The following CYP2B6 variants were observed in gnomAD, a reference collection of about 807,000 sequenced individuals.
CYP2B6 encodes the protein cytochrome P450 2B6.
CYP2B6 carries 35 observed loss-of-function variants against 43.4 expected under a neutral mutation model. That is an observed-to-expected ratio of 0.81 (90% CI 0.62 to 1.07). The LOEUF (loss-of-function observed/expected upper bound fraction) is 1.07, where lower values mean the gene tolerates loss of function less well. Among genes scored for constraint, CYP2B6 ranks in the 50% least tolerant of loss-of-function variants. CYP2B6 has a pLI of 0.00. For synonymous variants in CYP2B6, 239 were observed against 239.2 expected, an observed-to-expected ratio of 1.00 and a Z score of 0.01; for missense variants, 624 against 632.8, an observed-to-expected ratio of 0.99 and a Z score of 0.15.
rs375553471 is a variant in CYP2B6 at position 40,991,370 on chromosome 19, G to A, written c.65G>A (p.Arg22His). The A allele has an allele frequency of 7.4e-6, 12 of 1,614,014 alleles. No individual in the cohort carries two copies. The highest frequency in any genetic ancestry group is 2.2e-5 in the East Asian group (1 of 44,882). ...LTGLLLLLVQ[R>H]HPNTHDRLPP... ...GGACTCTTGCTACTCCTGGTTCAGCGCCACCCTAACACCCATGACCGCCTC... is the reference window on the plus strand; with the variant it reads ...GGACTCTTGCTACTCCTGGTTCAGCACCACCCTAACACCCATGACCGCCTC... Residue 22 changes from arginine (R) to histidine (H), a missense_variant, in exon 1 of 9, where the codon CGC (arginine) becomes CAC (histidine). By Grantham distance (29) the Arg-to-His change is conservative. Transcript: ENST00000324071.
At chr19:40,997,452 A>G (rs1321046432) in intron 1 of CYP2B6, among the ~76,000 whole-genome samples, 1 of 151,896 alleles carries the variant, frequency 6.6e-6, no homozygotes, top group Non-Finnish European at 1.5e-5. Flanking sequence ...TCCTTTTACT[A>G]TTAATAGAGT....
chr19:41,005,491 A>AG (rs1210406815), intron 3 of CYP2B6, among the ~76,000 whole-genome samples: 9,036 of 151,714 alleles, frequency 0.06, 934 homozygotes, highest in African/African-American at 0.21. Flanking sequence ...ACCAAAACAA[A>AG]AAAATATAGG....
intron 7 of CYP2B6, 59 bp from the exon 8 acceptor site, chr19:41,012,615 G>T (rs1464768231): frequency 6.2e-7 from 1 of 1,612,008 alleles, no homozygotes; most frequent in Non-Finnish European, 8.5e-7. Context: ...CTTTTTTGTG[G>T]AGTGTGTGGA....
At chr19:41,003,140 G>A (rs1015528439) in intron 1 of CYP2B6, among the ~76,000 whole-genome samples, 6 of 152,032 alleles carry the variant, frequency 3.9e-5, no homozygotes, top group Non-Finnish European at 5.9e-5. Context: ...CTGGTTTCCT[G>A]GGTATCCATT....
intron 1 of CYP2B6, among the ~76,000 whole-genome samples, chr19:40,999,493 G>A (rs1043033021): frequency 4.6e-5 from 7 of 152,016 alleles, no homozygotes; most frequent in African/African-American, 1.5e-4. Flanking sequence ...TGAAGTCCTT[G>A]CCCATGCCTA....
chr19:41,012,730 A>T lies in CYP2B6; in HGVS notation c.1209A>T (p.Glu403Asp). The T allele has an allele frequency of 6.2e-7, 1 of 1,614,136 alleles. No individual in the cohort carries two copies. The highest frequency in any genetic ancestry group is 1.3e-5 in the African/African-American group (1 of 75,032). The part of the protein sequence containing the change: ...STALHDPHYF[E>D]KPDAFNPDHF... ...CTCTCCATGACCCACACTACTTTGA[A>T]AAACCAGACGCCTTCAATCCTGACC... is the stretch of plus-strand genomic sequence containing the variant. Residue 403 changes from glutamate (E) to aspartate (D), a missense_variant, in exon 8 of 9, where the codon GAA (glutamate) becomes GAT (aspartate). By Grantham distance (45) the Glu-to-Asp change is conservative. Transcript: ENST00000324071.
rs1286928050 is a variant in CYP2B6, at chr19:41,004,598, G to GA, written c.484+152_484+153insA. 337 of 911,004 alleles carry GA rather than the reference G, an allele frequency of 3.7e-4. No homozygotes were observed. In the African/African-American group the frequency reaches 4.5e-3, roughly 12 times the overall value. The allele number at this position is 911,004 out of a possible 1,614,324, so 56.4% of individuals were successfully genotyped here. ...CAGACAGAGGGATAGAGACAGAGAG[G>GA]GAGAGAGACAGGGGAATAGAGAGGG... On this transcript the variant is annotated intron_variant, in intron 3 of 8. Transcript: ENST00000324071.
chr19:41,013,625 G>C (rs1969318755), intron 8 of CYP2B6, among the ~76,000 whole-genome samples: 1 of 152,222 alleles, frequency 6.6e-6, no homozygotes, highest in East Asian at 1.9e-4. Context: ...GCAGGACCTT[G>C]AAGGTTGCAG....
At chr19:41,002,528 T>C (rs1185547855) in intron 1 of CYP2B6, among the ~76,000 whole-genome samples, 4 of 152,050 alleles carry the variant, frequency 2.6e-5, no homozygotes, top group South Asian at 4.1e-4. Flanking sequence ...ATTTTATCTG[T>C]GTATGAACTT....
chr19:40,995,491 G>C (rs545387530), intron 1 of CYP2B6, among the ~76,000 whole-genome samples: 1 of 152,214 alleles, frequency 6.6e-6, no homozygotes, highest in South Asian at 2.1e-4. Context: ...TTTCCAAAGG[G>C]CCCAACCTCT....
chr19:41,001,833 A>AT (rs1969094497), intron 1 of CYP2B6, among the ~76,000 whole-genome samples: 1 of 152,248 alleles, frequency 6.6e-6, no homozygotes, highest in African/African-American at 2.4e-5. Context: ...AAATAAACAG[A>AT]TAAGGAAATG....
intron 4 of CYP2B6, among the ~76,000 whole-genome samples, chr19:41,008,337 G>A (rs1264009951): frequency 5.4e-5 from 8 of 147,216 alleles, no homozygotes; most frequent in Middle Eastern, 3.4e-3. Context: ...TCAGCCTCCC[G>A]AGCAGCCGGG....
At chr19:40,995,793 A>G (rs1968991594) in intron 1 of CYP2B6, among the ~76,000 whole-genome samples, 1 of 152,128 alleles carries the variant, frequency 6.6e-6, no homozygotes, top group Non-Finnish European at 1.5e-5. Flanking sequence ...TGCTTTGCCT[A>G]ATGATATTTG....
At chr19:41,006,271 G>GC (rs1216381795) in intron 3 of CYP2B6, among the ~76,000 whole-genome samples, 207 of 150,888 alleles carry the variant, frequency 1.4e-3, no homozygotes, top group African/African-American at 4.8e-3. Context: ...TCCCACTTCA[G>GC]CCCCTGGACT....
intron 8 of CYP2B6, among the ~76,000 whole-genome samples, chr19:41,016,167 A>G (rs544151520): frequency 1.3e-3 from 201 of 152,178 alleles, no homozygotes; most frequent in African/African-American, 4.6e-3. Flanking sequence ...AGGCCAAGGC[A>G]GGTGGATTAT....
chr19:40,999,477 T>C (rs893709082), intron 1 of CYP2B6, among the ~76,000 whole-genome samples: 2 of 152,288 alleles, frequency 1.3e-5, no homozygotes, highest in African/African-American at 4.8e-5. Flanking sequence ...TTTGGTTTTT[T>C]AGACATGAAG....
intron 6 of CYP2B6, among the ~76,000 whole-genome samples, chr19:41,011,308 T>C (rs1969279621): frequency 6.6e-6 from 1 of 152,236 alleles, no homozygotes; most frequent in African/African-American, 2.4e-5. Context: ...ACTCCTTTAT[T>C]TACTCATACT....
chr19:41,009,443 A>G (rs778050633), intron 5 of CYP2B6, 48 bp downstream of exon 5: 13 of 1,116,212 alleles, frequency 1.2e-5, no homozygotes, highest in African/African-American at 3.3e-5. Context: ...GGAGGGCAAG[A>G]TGGAGAGGTG....
Position 40,991,575 on chromosome 19 carries a change from G to T in CYP2B6, c.171+99G>T, listed in dbSNP as rs1435733637. On this transcript the variant is annotated intron_variant, in intron 1 of 8. Coordinates refer to ENST00000324071, the MANE Select transcript of CYP2B6 (RefSeq NM_000767.5). ...GAATGAGGCAGACTTCCAGAGTCAGGGGTGGCACGGGCATGGTTGGTGAGT... is the reference window on the plus strand; with the variant it reads ...GAATGAGGCAGACTTCCAGAGTCAGTGGTGGCACGGGCATGGTTGGTGAGT... The T allele has an allele frequency of 3.1e-6, 4 of 1,304,936 alleles. No individual in the cohort carries two copies. The African/African-American group carries it at 4.4e-5, about 14-fold the overall frequency. 80.8% of individuals were successfully genotyped at this position (1,304,936 alleles called of 1,614,324 possible).
Sources: allele counts gnomAD v4.1 joint callset (sites outside exome capture counted in the v4.1 genomes callset), GRCh38; gene constraint gnomAD v4.1.1; transcripts MANE v1.5; gene names NCBI Gene and HGNC (gene_info 2026-07-23, HGNC 2026-07-21).